CD86: variants seen among roughly 807,000 people sequenced by gnomAD.
The protein encoded by CD86 is T-lymphocyte activation antigen CD86.
In CD86, 11 loss-of-function variants were observed where a neutral mutation model predicts 32.1. That is an observed-to-expected ratio of 0.34 (90% CI 0.22 to 0.57). The LOEUF is 0.57. Ranked by LOEUF, CD86 falls within the 20% of genes least tolerant of loss-of-function variation. The pLI, the probability that CD86 is intolerant of heterozygous loss-of-function variation, is 0.86. For missense variants in CD86, 359 were observed against 398.4 expected, an observed-to-expected ratio of 0.90 and a Z score of 0.84; for synonymous variants, 137 against 135.3, an observed-to-expected ratio of 1.01 and a Z score of -0.09.
chr3:122,087,779 A>G (rs2107523660), intron 1 of CD86, among the ~76,000 whole-genome samples: 1 of 152,252 alleles, frequency 6.6e-6, no homozygotes. Context: ...AGACTTTGGC[A>G]GAAGTGTGTT....
chr3:122,076,537 T>C (rs1388178379), intron 1 of CD86, among the ~76,000 whole-genome samples: 3 of 152,114 alleles, frequency 2.0e-5, no homozygotes, highest in Non-Finnish European at 4.4e-5. Flanking sequence ...GGTCTGAACA[T>C]AGAATGGCTG....
intron 1 of CD86, among the ~76,000 whole-genome samples, chr3:122,068,996 A>G (rs2072452236): frequency 6.6e-6 from 1 of 152,202 alleles, no homozygotes; most frequent in Admixed American, 6.5e-5. Context: ...ACCAGGGGAA[A>G]ACTTTTCTTA....
At chr3:122,066,025 G>A (rs910390771) in intron 1 of CD86, among the ~76,000 whole-genome samples, 1 of 152,044 alleles carries the variant, frequency 6.6e-6, no homozygotes, top group Non-Finnish European at 1.5e-5. Context: ...GGTTGCAGGG[G>A]AAAAGTTAGA....
intron 1 of CD86, among the ~76,000 whole-genome samples, chr3:122,056,362 G>T (rs2072236399): frequency 6.6e-6 from 1 of 152,096 alleles, no homozygotes; most frequent in Non-Finnish European, 1.5e-5. Context: ...TTGAAACAGA[G>T]TCTCGCTCTG....
In CD86 at chr3:122,103,801, A is replaced by G; in HGVS notation, c.354A>G (p.Thr118=). ...YQCIIHHKKP[T]GMIRIHQMNS... is the part of the protein sequence containing the mutation. The stretch of plus-strand genomic sequence containing the variant: ...GTATCATCCATCACAAAAAGCCCAC[A>G]GGAATGATTCGCATCCACCAGATGA... The change falls in exon 3 of 7, where the codon ACA becomes ACG. Residue 118 remains threonine, a synonymous_variant. Transcript: ENST00000330540. The G allele has an allele frequency of 6.2e-7, 1 of 1,614,036 alleles. No individual in the cohort carries two copies. The highest frequency in any genetic ancestry group is 1.1e-5 in the South Asian group (1 of 91,076).
chr3:122,109,397 C>G lies in CD86; in HGVS notation c.836C>G (p.Ser279Cys). The change falls in exon 5 of 7, where the codon TCT (serine) becomes TGT (cysteine). Residue 279 changes from serine to cysteine, a missense_variant. Physicochemically the swap from Ser to Cys is moderately radical, Grantham distance 112. Coordinates refer to ENST00000330540, the MANE Select transcript of CD86 (RefSeq NM_175862.5). The part of the protein sequence containing the change: ...KWKKKKRPRN[S>C]YKCGTNTMER... Reference sequence around the variant, plus strand: ...AAGAAGAAGAAGCGGCCTCGCAACTCTTATAAATGTGGTGAGTGAGTCCTT... The same window carrying G: ...AAGAAGAAGAAGCGGCCTCGCAACTGTTATAAATGTGGTGAGTGAGTCCTT... The G allele has an allele frequency of 6.2e-7, 1 of 1,614,072 alleles. No individual in the cohort carries two copies. Among genetic ancestry groups the G allele is most frequent in the Non-Finnish European group, 8.5e-7 (1 of 1,179,968 alleles).
At chr3:122,086,777 G>A (rs926983045) in intron 1 of CD86, among the ~76,000 whole-genome samples, 10 of 152,168 alleles carry the variant, frequency 6.6e-5, no homozygotes, top group Admixed American at 6.5e-4. Flanking sequence ...GAGTCCTCTC[G>A]ATTCCAGGAG....
Position 122,106,205 on chromosome 3 carries a change from C to A in CD86, c.408C>A (p.Phe136Leu). Residue 136 changes from phenylalanine (F) to leucine (L), a missense_variant, in exon 4 of 7, where the codon TTC becomes TTA. Phe to Leu is a conservative substitution (Grantham distance 22). Transcript: ENST00000330540. ...TCTCTCTTCTGCTTTCAGCTAACTT[C>A]AGTCAACCTGAAATAGTACCAATTT... ...MNSELSVLAN[F>L]SQPEIVPISN... 1 of 1,595,992 alleles carries A rather than the reference C, an allele frequency of 6.3e-7. No homozygotes were observed. The highest frequency in any genetic ancestry group is 1.1e-5 in the South Asian group (1 of 88,102).
In CD86 at chr3:122,106,352, T is replaced by C. The variant is rs112598996; in HGVS notation, c.555T>C (p.Val185=). 1.1e-4 allele frequency: 170 copies of C among 1,614,150 alleles called. 5 individuals are homozygous for C. The South Asian group carries it at 1.7e-3, about 17-fold the overall frequency. ...TKNSTIEYDG[V]MQKSQDNVTE... ...ATTCAACTATCGAGTATGATGGTGT[T>C]ATGCAGAAATCTCAAGATAATGTCA... Residue 185 remains valine, a synonymous_variant, in exon 4 of 7, where the codon GTT becomes GTC. Coordinates refer to ENST00000330540, the MANE Select transcript of CD86 (RefSeq NM_175862.5).
chr3:122,074,510 C>T (rs1248244671), intron 1 of CD86, among the ~76,000 whole-genome samples: 1 of 152,222 alleles, frequency 6.6e-6, no homozygotes, highest in African/African-American at 2.4e-5. Context: ...ATTAGAACTA[C>T]CATCAGCACC....
At chr3:122,088,182 C>CTTTTT (rs60476471) in intron 1 of CD86, among the ~76,000 whole-genome samples, 15 of 113,318 alleles carry the variant, frequency 1.3e-4, no homozygotes, top group African/African-American at 3.3e-4. Flanking sequence ...AAAGGGCCCT[C>CTTTTT]TTTTTTTTTT....
At position 122,109,353 on chromosome 3, in the gene CD86, T is replaced by C; in HGVS notation, c.792T>C (p.Cys264=). ...TTATTATATGTGTGATGGTTTTCTG[T>C]CTAATTCTATGGAAATGGAAGAAGA... ...PTVIICVMVF[C]LILWKWKKKK... Residue 264 remains cysteine, a synonymous_variant, in exon 5 of 7, where the codon TGT becomes TGC. Coordinates refer to ENST00000330540, the MANE Select transcript of CD86 (RefSeq NM_175862.5). 6.2e-7 allele frequency: 1 copy of C among 1,614,100 alleles called. No homozygotes were observed. The highest frequency in any genetic ancestry group is 8.5e-7 in the Non-Finnish European group (1 of 1,179,978).
At chr3:122,085,662 C>A (rs796499006) in intron 1 of CD86, among the ~76,000 whole-genome samples, 30 of 152,176 alleles carry the variant, frequency 2.0e-4, no homozygotes, top group African/African-American at 7.2e-4. Flanking sequence ...CTTGTTCAGG[C>A]AAAGGGCAGG....
intron 1 of CD86, among the ~76,000 whole-genome samples, chr3:122,082,383 C>T (rs2681426): frequency 0.12 from 18,335 of 152,226 alleles, 1,196 homozygotes; most frequent in Non-Finnish European, 0.14. Context: ...TTTTCTTCTT[C>T]AGGTTCATTA....
intron 5 of CD86, among the ~76,000 whole-genome samples, chr3:122,111,314 C>T (rs554032023): frequency 2.0e-5 from 3 of 152,172 alleles, no homozygotes; most frequent in Non-Finnish European, 2.9e-5. Flanking sequence ...TTTGTGGGTA[C>T]TCCTGGCATT....
intron 1 of CD86, among the ~76,000 whole-genome samples, chr3:122,066,702 T>A (rs2072417775): frequency 6.6e-6 from 1 of 152,276 alleles, no homozygotes; most frequent in Non-Finnish European, 1.5e-5. Flanking sequence ...ATATTGACTT[T>A]AATAAATAGA....
At chr3:122,091,454 A>G in intron 1 of CD86, 147 bp from the exon 2 acceptor site, 3 of 686,976 alleles carry the variant, frequency 4.4e-6, no homozygotes, top group South Asian at 3.4e-5. Flanking sequence ...GCAAAAGGAA[A>G]TGGCTTTGAT....
At chr3:122,088,995 CTT>C (rs2072769968) in intron 1 of CD86, among the ~76,000 whole-genome samples, 2 of 152,224 alleles carry the variant, frequency 1.3e-5, no homozygotes, top group African/African-American at 4.8e-5. Flanking sequence ...ATCATTTAGT[CTT>C]AGAAAGAAAG....
chr3:122,065,208 G>C (rs1247326740), intron 1 of CD86, among the ~76,000 whole-genome samples: 1 of 152,170 alleles, frequency 6.6e-6, no homozygotes. Flanking sequence ...GCAGATCAGG[G>C]AAGGAAGACA....
Sources: allele counts gnomAD v4.1 joint callset (sites outside exome capture counted in the v4.1 genomes callset), GRCh38; gene constraint gnomAD v4.1.1; transcripts MANE v1.5; gene names NCBI Gene and HGNC (gene_info 2026-07-23, HGNC 2026-07-21).